NRXN3: variants seen among roughly 807,000 people sequenced by gnomAD.
NRXN3 encodes the protein neurexin 3.
A neutral mutation model predicts 137.6 loss-of-function variants in NRXN3; 32 were observed. The observed-to-expected ratio is 0.23, with a 90% CI of 0.18 to 0.31. The LOEUF (loss-of-function observed/expected upper bound fraction) is 0.31, where lower values mean the gene tolerates loss of function less well. NRXN3 is among the 10% of genes least tolerant of loss of function. The pLI, the probability that NRXN3 is intolerant of heterozygous loss-of-function variation, is 1.00. For synonymous variants in NRXN3, 798 were observed against 784.5 expected (o/e 1.02, Z -0.29); for missense variants, 1,574 against 2,062.5 (o/e 0.76, Z 4.59).
At chr14:78,237,341 G>C (rs1458376843) in intron 1 of NRXN3, among the ~76,000 whole-genome samples, 1 of 152,254 alleles carries the variant, frequency 6.6e-6, no homozygotes, top group Non-Finnish European at 1.5e-5. Context: ...TGAAATGGAA[G>C]TCACAGGATT....
intron 20 of NRXN3, among the ~76,000 whole-genome samples, chr14:79,810,357 G>A (rs955718500): frequency 6.6e-6 from 1 of 152,076 alleles, no homozygotes; most frequent in Admixed American, 6.5e-5. Context: ...CAAATCTCAA[G>A]GGACAGCACT....
chr14:78,490,701 G>T (rs1345250194), intron 4 of NRXN3, among the ~76,000 whole-genome samples: 5 of 152,152 alleles, frequency 3.3e-5, no homozygotes, highest in Non-Finnish European at 5.9e-5. Flanking sequence ...GGTATACTCT[G>T]CAGCAGACCC....
intron 15 of NRXN3, among the ~76,000 whole-genome samples, chr14:79,260,225 T>C (rs944821858): frequency 1.3e-5 from 2 of 152,198 alleles, no homozygotes; most frequent in African/African-American, 4.8e-5. Context: ...CATATCCATA[T>C]CTATAAATTA....
intron 8 of NRXN3, among the ~76,000 whole-genome samples, chr14:78,791,387 T>C (rs79520059): frequency 2.0e-5 from 3 of 152,054 alleles, no homozygotes; most frequent in African/African-American, 7.2e-5. Context: ...CCCAATGTCA[T>C]AAGTCTCAAA....
intron 19 of NRXN3, among the ~76,000 whole-genome samples, chr14:79,729,585 T>C (rs2154070682): frequency 6.6e-6 from 1 of 152,274 alleles, no homozygotes; most frequent in Non-Finnish European, 1.5e-5. Context: ...CTGGGTGAAA[T>C]CCTTTTTGCT....
At chr14:79,126,668 A>G (rs2056549298) in intron 15 of NRXN3, among the ~76,000 whole-genome samples, 1 of 151,922 alleles carries the variant, frequency 6.6e-6, no homozygotes, top group African/African-American at 2.4e-5. Context: ...AGCATGATTT[A>G]TAGTCCTTTG....
intron 15 of NRXN3, among the ~76,000 whole-genome samples, chr14:79,164,268 C>T (rs968182107): frequency 6.6e-6 from 1 of 151,970 alleles, no homozygotes; most frequent in Non-Finnish European, 1.5e-5. Flanking sequence ...GGATCAAGCA[C>T]AAAGATGCTG....
intron 16 of NRXN3, among the ~76,000 whole-genome samples, chr14:79,647,473 G>C (rs900543245): frequency 2.2e-5 from 3 of 135,812 alleles, no homozygotes; most frequent in African/African-American, 7.4e-5. Context: ...TAATCCTACT[G>C]TTTATTGGCT....
chr14:78,696,179 C>G (rs2098224158), intron 6 of NRXN3, among the ~76,000 whole-genome samples: 1 of 151,948 alleles, frequency 6.6e-6, no homozygotes, highest in African/African-American at 2.4e-5. Flanking sequence ...CTTGAAGAAT[C>G]TTAGTTTCTC....
intron 15 of NRXN3, among the ~76,000 whole-genome samples, chr14:79,227,810 CTCCCTTCCTCCCT>C: frequency 1.4e-5 from 2 of 141,252 alleles, no homozygotes; most frequent in Non-Finnish European, 3.1e-5. Flanking sequence ...CCCTTCCTCC[CTCCCTTCCTCCCT>C]TCCTCCCTTC....
intron 15 of NRXN3, among the ~76,000 whole-genome samples, chr14:79,387,924 A>T (rs2094692144): frequency 8.0e-6 from 1 of 124,664 alleles, no homozygotes; most frequent in Non-Finnish European, 1.6e-5. Context: ...GGACACAGGA[A>T]GGGGAACATC....
intron 20 of NRXN3, among the ~76,000 whole-genome samples, chr14:79,850,871 T>C (rs1038677187): frequency 1.4e-4 from 21 of 152,234 alleles, no homozygotes; most frequent in African/African-American, 4.8e-4. Context: ...ATGGTAAAGA[T>C]ATACATGCAT....
chr14:79,073,403 AG>A (rs2099690895), intron 15 of NRXN3, among the ~76,000 whole-genome samples: 1 of 152,136 alleles, frequency 6.6e-6, no homozygotes, highest in African/African-American at 2.4e-5. Context: ...AGTATCTTAA[AG>A]ACAAATTGGC....
chr14:79,541,534 A>G (rs899056039), intron 16 of NRXN3, among the ~76,000 whole-genome samples: 3 of 152,168 alleles, frequency 2.0e-5, no homozygotes, highest in African/African-American at 7.2e-5. Flanking sequence ...CATACATTCC[A>G]TATCTTTTGG....
In NRXN3 at chr14:78,192,244, G is replaced by C. The variant is rs545263181; in HGVS notation, c.-704+21570G>C. ...GATGTTAAACTGATACGGGCACTCA[G>C]ATCTTATCCATAGAGTGAGGAGATG... On this transcript the variant is annotated intron_variant, in intron 1 of 20. Transcript: ENST00000335750. Among the ~76,000 whole-genome samples the C allele has an allele frequency of 3.9e-5, 6 of 152,262 alleles. No homozygotes were observed. The South Asian group carries it at 1.2e-3, about 32-fold the overall frequency.
At chr14:79,284,925 ATC>A (rs1257200368) in intron 15 of NRXN3, among the ~76,000 whole-genome samples, 2 of 152,134 alleles carry the variant, frequency 1.3e-5, no homozygotes, top group Non-Finnish European at 2.9e-5. Context: ...AGATTTATAT[ATC>A]TTTGGCCTTG....
At chr14:79,427,032 AT>A (rs1375990026) in intron 15 of NRXN3, among the ~76,000 whole-genome samples, 1 of 152,134 alleles carries the variant, frequency 6.6e-6, no homozygotes, top group Non-Finnish European at 1.5e-5. Context: ...TTTCACTATT[AT>A]TTGATCAGTT....
Position 78,462,402 on chromosome 14 carries a change from G to T in NRXN3, c.757+164542G>T, listed in dbSNP as rs551294861. 5.1e-4 allele frequency among the ~76,000 whole-genome samples: 78 copies of T among 152,248 alleles called. 1 individual carries two copies. In the South Asian group the frequency reaches 0.014, roughly 28 times the overall value. ...TTGCTCTGATAAGCAGATGAGGGGG[G>T]TGCTCATCCATTTTTTAAATTCAAG... On this transcript the variant is annotated intron_variant, in intron 4 of 20. Coordinates refer to ENST00000335750, the MANE Select transcript of NRXN3 (RefSeq NM_001330195.2).
intron 4 of NRXN3, among the ~76,000 whole-genome samples, chr14:78,399,078 G>A (rs1388087257): frequency 6.6e-6 from 1 of 152,052 alleles, no homozygotes; most frequent in Admixed American, 6.6e-5. Context: ...GCCTTCTATG[G>A]GGCTTTTTGT....
Sources: gnomAD v4.1 joint callset for allele counts (sites outside exome capture counted in the v4.1 genomes callset) on GRCh38, gnomAD v4.1.1 for gene constraint, MANE v1.5 for transcripts, NCBI Gene and HGNC (gene_info 2026-07-23, HGNC 2026-07-21) for gene names.